Variants in CDH13 observed in about 807,000 individuals in gnomAD.
The protein encoded by CDH13 is cadherin 13.
Under a neutral mutation model 63.8 loss-of-function variants are expected in CDH13, and 24 were observed. The ratio of observed to expected loss-of-function variants is 0.38; its 90% confidence interval spans 0.27 to 0.53. The LOEUF (loss-of-function observed/expected upper bound fraction) is 0.53. Among genes scored for constraint, CDH13 ranks in the 20% least tolerant of loss-of-function variants. The pLI, the probability that CDH13 is intolerant of heterozygous loss-of-function variation, is 0.85. For missense variants in CDH13, 1,049 were observed against 903.1 expected (o/e 1.16, Z -2.07); for synonymous variants, 503 against 355.3 (o/e 1.42, Z -4.67).
intron 2 of CDH13, among the ~76,000 whole-genome samples, chr16:82,932,917 G>T (rs941973928): frequency 2.0e-5 from 3 of 152,208 alleles, no homozygotes; most frequent in Non-Finnish European, 2.9e-5. Context: ...TACTAGTAGA[G>T]AAATTGGGAA....
intron 1 of CDH13, among the ~76,000 whole-genome samples, chr16:82,815,860 A>G (rs967861612): frequency 1.3e-5 from 2 of 152,212 alleles, no homozygotes; most frequent in African/African-American, 4.8e-5. Context: ...TAATTTAATT[A>G]TAGGCACTTT....
rs1177896575 is a variant in CDH13, at chr16:83,643,153, G to A, written c.1102-27637G>A. On this transcript the variant is annotated intron_variant, in intron 8 of 13. Transcript: ENST00000567109. ...TGTGGTGGGGTCGGGGGAGGGGGGA[G>A]GGATAGCATTGGGAGATATACCTAA... is the stretch of plus-strand genomic sequence containing the variant. Among the ~76,000 whole-genome samples the A allele has an allele frequency of 9.7e-5, 6 of 62,148 alleles. 2 individuals are homozygous for A. In the Admixed American group the frequency reaches 1.1e-3, roughly 11 times the overall value. 40.8% of individuals were successfully genotyped at this position (62,148 alleles called of 152,430 possible). A position where few individuals can be genotyped will look rare whatever the true frequency, so the allele number is the denominator to read the frequency against.
chr16:82,752,563 G>A, intron 1 of CDH13, among the ~76,000 whole-genome samples: 1 of 152,202 alleles, frequency 6.6e-6, no homozygotes, highest in East Asian at 1.9e-4. Context: ...TTTTTACTTT[G>A]AAAATGTCCA....
intron 6 of CDH13, among the ~76,000 whole-genome samples, chr16:83,424,777 A>T (rs2071836835): frequency 6.6e-6 from 1 of 152,194 alleles, no homozygotes; most frequent in African/African-American, 2.4e-5. Flanking sequence ...TTACAGATGA[A>T]GCCACTGTAT....
chr16:83,648,194 T>C lies in CDH13; in HGVS notation c.1102-22596T>C, dbSNP rs1912018079. On this transcript the variant is annotated intron_variant, in intron 8 of 13. Coordinates refer to ENST00000567109, the MANE Select transcript of CDH13 (RefSeq NM_001257.5). ...TTAATAAAACACGGATGTTTCATCA[T>C]CCAGGCGTGTAAATTACACATGTCT... Among the ~76,000 whole-genome samples the C allele has an allele frequency of 2.6e-5, 4 of 152,084 alleles. No homozygotes were observed. The South Asian group carries it at 8.3e-4, about 32-fold the overall frequency.
chr16:83,161,445 G>C (rs763518900), intron 4 of CDH13, among the ~76,000 whole-genome samples: 9 of 152,064 alleles, frequency 5.9e-5, no homozygotes, highest in Non-Finnish European at 1.0e-4. Context: ...AATGAGTATA[G>C]GGAGGGTCCA....
chr16:82,879,219 C>G (rs1017107166), intron 2 of CDH13, among the ~76,000 whole-genome samples: 9 of 152,136 alleles, frequency 5.9e-5, no homozygotes, highest in South Asian at 2.1e-4. Flanking sequence ...TGGATGCCAG[C>G]TCTAATACTT....
intron 1 of CDH13, among the ~76,000 whole-genome samples, chr16:82,716,735 G>A (rs933269522): frequency 6.6e-5 from 10 of 151,408 alleles, no homozygotes; most frequent in African/African-American, 2.4e-4. Context: ...GGGGTTCACT[G>A]TTGCTGAGTA....
intron 6 of CDH13, among the ~76,000 whole-genome samples, chr16:83,420,093 C>G (rs570282463): frequency 2.0e-5 from 3 of 151,824 alleles, no homozygotes; most frequent in Admixed American, 6.6e-5. Flanking sequence ...AAAAGATGAG[C>G]AGAATAAAAA....
chr16:82,767,079 C>T (rs2035084370), intron 1 of CDH13, among the ~76,000 whole-genome samples: 1 of 152,194 alleles, frequency 6.6e-6, no homozygotes. Flanking sequence ...TGTAGATATG[C>T]TCTCCCTCTA....
At chr16:82,935,167 G>T (rs912170076) in intron 2 of CDH13, among the ~76,000 whole-genome samples, 3 of 152,184 alleles carry the variant, frequency 2.0e-5, no homozygotes, top group Admixed American at 2.0e-4. Flanking sequence ...TACAATGATG[G>T]TGGATGGGGA....
At chr16:82,818,913 C>T (rs1348409032) in intron 1 of CDH13, among the ~76,000 whole-genome samples, 1 of 152,184 alleles carries the variant, frequency 6.6e-6, no homozygotes, top group Non-Finnish European at 1.5e-5. Context: ...CTTTATAAAA[C>T]ATTTTCAATG....
chr16:83,437,815 G>T (rs1014308387), intron 6 of CDH13, among the ~76,000 whole-genome samples: 1 of 152,104 alleles, frequency 6.6e-6, no homozygotes, highest in Admixed American at 6.6e-5. Flanking sequence ...TAATAGTTTG[G>T]CCAAAGGGTA....
intron 4 of CDH13, among the ~76,000 whole-genome samples, chr16:83,128,870 T>C (rs1001329963): frequency 6.6e-6 from 1 of 152,232 alleles, no homozygotes; most frequent in Admixed American, 6.5e-5. Flanking sequence ...ACTTAGATTC[T>C]CTACAAAGCA....
intron 1 of CDH13, among the ~76,000 whole-genome samples, chr16:82,758,426 AC>A (rs5818402): frequency 0.85 from 126,868 of 149,364 alleles, 54,040 homozygotes; most frequent in East Asian, 0.91. Flanking sequence ...GACTGTTGAT[AC>A]CCCCCCCCCT....
intron 1 of CDH13, among the ~76,000 whole-genome samples, chr16:82,731,531 G>C (rs1226228061): frequency 6.6e-6 from 1 of 152,192 alleles, no homozygotes; most frequent in East Asian, 1.9e-4. Context: ...ATTCAGCAAA[G>C]AAGCTGCTCA....
chr16:82,787,464 G>T (rs990823699), intron 1 of CDH13, among the ~76,000 whole-genome samples: 1 of 152,164 alleles, frequency 6.6e-6, no homozygotes, highest in Non-Finnish European at 1.5e-5. Flanking sequence ...CCAGATAGTA[G>T]AGAAATTCTG....
intron 2 of CDH13, among the ~76,000 whole-genome samples, chr16:82,924,897 A>G (rs1386874334): frequency 6.6e-6 from 1 of 152,182 alleles, no homozygotes; most frequent in Non-Finnish European, 1.5e-5. Flanking sequence ...TCTTGTTTTT[A>G]AAGCACTTTG....
At chr16:82,794,461 T>C (rs1379270187) in intron 1 of CDH13, among the ~76,000 whole-genome samples, 1 of 150,726 alleles carries the variant, frequency 6.6e-6, no homozygotes, top group Non-Finnish European at 1.5e-5. Flanking sequence ...AGGGGTGGAG[T>C]AGAGAATCAT....
Sources: gnomAD v4.1 joint callset for allele counts (sites outside exome capture counted in the v4.1 genomes callset) on GRCh38, gnomAD v4.1.1 for gene constraint, MANE v1.5 for transcripts, NCBI Gene and HGNC (gene_info 2026-07-23, HGNC 2026-07-21) for gene names.